Variants in ZNF600 observed in about 807,000 individuals in gnomAD.
ZNF600 encodes zinc finger protein KR-ZNF1.
In ZNF600, 4 loss-of-function variants were observed where a neutral mutation model predicts 7.3. The ratio of observed to expected loss-of-function variants is 0.55; its 90% CI spans 0.27 to 1.25. The LOEUF (loss-of-function observed/expected upper bound fraction) is 1.25. ZNF600 is among the 50% of genes most tolerant of loss of function. ZNF600 has a pLI of 0.12. For missense variants in ZNF600, 911 were observed against 922.1 expected, an observed-to-expected ratio of 0.99 and a Z score of 0.16; for synonymous variants, 290 against 308.9, an observed-to-expected ratio of 0.94 and a Z score of 0.64.
chr19:52,814,073 A>C, the ZNF600 span, among the ~76,000 whole-genome samples: 2 of 146,614 alleles, frequency 1.4e-5, no homozygotes, highest in African/African-American at 5.3e-5. Flanking sequence ...TTTCTTCTAA[A>C]GCCTCATAAT....
chr19:52,784,339 G>A (rs576994860), intron 1 of ZNF600, among the ~76,000 whole-genome samples: 44 of 152,344 alleles, frequency 2.9e-4, no homozygotes, highest in African/African-American at 9.9e-4. Flanking sequence ...CTAGGAGGTC[G>A]AGGCTGCAGT....
chr19:52,793,157 G>T, the ZNF600 span, among the ~76,000 whole-genome samples: 134,505 of 152,196 alleles, frequency 0.88, 59,695 homozygotes, highest in African/African-American at 0.9. Flanking sequence ...GCTATACTCA[G>T]TGCATTTTGA....
At chr19:52,779,045 T>C in intron 1 of ZNF600, 138 bp from the exon 4 acceptor site, 2 of 744,656 alleles carry the variant, frequency 2.7e-6, no homozygotes, top group East Asian at 5.8e-5. Flanking sequence ...CATGCAGAGA[T>C]AAGAAAGTCC....
the ZNF600 span, among the ~76,000 whole-genome samples, chr19:52,817,504 A>C: frequency 6.6e-6 from 1 of 152,164 alleles, no homozygotes; most frequent in African/African-American, 2.4e-5. Flanking sequence ...TGTGGTATAA[A>C]ATCAGGGAGA....
At chr19:52,794,773 G>A in the ZNF600 span, among the ~76,000 whole-genome samples, 2 of 152,106 alleles carry the variant, frequency 1.3e-5, no homozygotes, top group African/African-American at 4.8e-5. Flanking sequence ...GTGGATCACT[G>A]GGCCTGGGAG....
the ZNF600 span, chr19:52,808,196 A>G: frequency 6.3e-7 from 1 of 1,596,146 alleles, no homozygotes; most frequent in Non-Finnish European, 8.5e-7. Flanking sequence ...ACAGAAAATG[A>G]CAAGAGAGGG....
chr19:52,788,117 C>T (rs1310606787), upstream of ZNF600, among the ~76,000 whole-genome samples: 3 of 128,940 alleles, frequency 2.3e-5, no homozygotes, highest in Admixed American at 1.5e-4. Context: ...TGAGCCCTTC[C>T]CAGGACCATG....
chr19:52,765,459 G>A (rs1568622144), exon 4 of ZNF600: 2 of 1,367,596 alleles, frequency 1.5e-6, no homozygotes, highest in East Asian at 2.3e-5. Flanking sequence ...TCAATGAACT[G>A]CAATGTATGA....
At chr19:52,801,005 A>T in the ZNF600 span, 2 of 1,614,082 alleles carry the variant, frequency 1.2e-6, no homozygotes, top group South Asian at 1.1e-5. Context: ...TATTGTGACC[A>T]AAGATCTTGC....
the ZNF600 span, among the ~76,000 whole-genome samples, chr19:52,792,344 C>A: frequency 2.0e-5 from 3 of 152,112 alleles, no homozygotes; most frequent in Non-Finnish European, 4.4e-5. Flanking sequence ...CTTAGGGAAC[C>A]AGACTCCCCT....
chr19:52,778,690 C>CTAAG, intron 2 of ZNF600, 136 bp downstream of exon 4: 1 of 1,235,092 alleles, frequency 8.1e-7, no homozygotes, highest in Non-Finnish European at 1.1e-6. Context: ...CTGAGAGGAA[C>CTAAG]TAAGGGCAGG....
At chr19:52,787,720 C>A (rs1449462277), upstream of ZNF600, among the ~76,000 whole-genome samples, 3 of 149,986 alleles carry the variant, frequency 2.0e-5, no homozygotes, top group African/African-American at 7.3e-5. Flanking sequence ...ATTAGCCAAG[C>A]GTGGTGGTGG....
intron 1 of ZNF600, among the ~76,000 whole-genome samples, chr19:52,784,339 G>C (rs576994860): frequency 1.3e-5 from 2 of 152,226 alleles, no homozygotes; most frequent in Non-Finnish European, 2.9e-5. Flanking sequence ...CTAGGAGGTC[G>C]AGGCTGCAGT....
chr19:52,766,099 G>A (rs1307662447), exon 4 of ZNF600: 3 of 1,613,772 alleles, frequency 1.9e-6, no homozygotes, highest in Admixed American at 3.3e-5. Flanking sequence ...CACTTGTAAG[G>A]TTTCTCACCA....
At chr19:52,790,531 A>G (rs1398114103), upstream of ZNF600, among the ~76,000 whole-genome samples, 1 of 151,942 alleles carries the variant, frequency 6.6e-6, no homozygotes, top group Non-Finnish European at 1.5e-5. Context: ...ACAATTACCC[A>G]CATGTGGTGA....
chr19:52,781,575 T>C (rs2062722030), intron 1 of ZNF600, 111 bp from the exon 2 acceptor site: 1 of 152,000 alleles, frequency 6.6e-6, no homozygotes, highest in East Asian at 1.9e-4. Flanking sequence ...GAGACCAACA[T>C]GGGCAACATA....
Position 52,767,403 on chromosome 19 carries a change from G to GCATC in ZNF600, c.556_559dup (p.Ala187GlyfsTer14). 1 of 1,614,136 alleles carries GCATC rather than the reference G, an allele frequency of 6.2e-7. No individual in the cohort carries two copies. Among genetic ancestry groups the GCATC allele is most frequent in the East Asian group, 2.2e-5 (1 of 44,872 alleles). ...TCTTTGGGATGTTGAAACCGAGGGA[G>GCATC]CATCACTGGTAGACTTCTCAAATTG... On this transcript the variant is annotated frameshift_variant, in exon 4 of 4. Coordinates refer to ENST00000648973, the Ensembl canonical transcript of ZNF600. LOFTEE classifies it low-confidence loss of function (END_TRUNC).
upstream of ZNF600, among the ~76,000 whole-genome samples, chr19:52,789,194 G>C (rs1460826874): frequency 6.6e-6 from 1 of 152,192 alleles, no homozygotes; most frequent in Non-Finnish European, 1.5e-5. Context: ...TGAGTGGCCA[G>C]AGAGTCCTAG....
chr19:52,800,574 G>T, the ZNF600 span: 3 of 1,613,338 alleles, frequency 1.9e-6, no homozygotes, highest in South Asian at 1.1e-5. Context: ...TGCCAGGTAT[G>T]AATTATATGC....
Sources: allele counts gnomAD v4.1 joint callset (sites outside exome capture counted in the v4.1 genomes callset), GRCh38; gene constraint gnomAD v4.1.1; transcripts MANE v1.5; gene names NCBI Gene and HGNC (gene_info 2026-07-23, HGNC 2026-07-21).